The following TANGO6 variants were observed in gnomAD, a reference collection of about 807,000 sequenced individuals.
The protein encoded by TANGO6 is transport and Golgi organization protein 6 homolog.
In TANGO6, 90 loss-of-function variants were observed where a neutral mutation model predicts 114.2. The observed-to-expected ratio is 0.79, with a 90% CI of 0.66 to 0.94. The LOEUF is 0.94. TANGO6 is among the 40% of genes least tolerant of loss of function. TANGO6 has a pLI of 0.00. For missense variants in TANGO6, 1,274 were observed against 1,315.3 expected, an observed-to-expected ratio of 0.97 and a Z score of 0.49; for synonymous variants, 477 against 509.8, an observed-to-expected ratio of 0.94 and a Z score of 0.87.
intron 14 of TANGO6, among the ~76,000 whole-genome samples, chr16:68,971,110 C>T: frequency 6.6e-6 from 1 of 151,178 alleles, no homozygotes. Flanking sequence ...CGAGATCAAG[C>T]CATTGCACTC....
chr16:68,942,167 TA>T (rs1963361237), intron 14 of TANGO6, among the ~76,000 whole-genome samples: 2 of 151,864 alleles, frequency 1.3e-5, no homozygotes, highest in South Asian at 4.2e-4. Context: ...CCATCTCTAC[TA>T]AAAATACAAG....
rs184543924 is a variant in TANGO6 at position 69,048,910 on chromosome 16, G to A, written c.3108+8489G>A. Among the ~76,000 whole-genome samples the A allele has an allele frequency of 1.8e-3, 280 of 152,248 alleles. 2 individuals carry two copies. Among genetic ancestry groups the A allele is most frequent in the Middle Eastern group, 0.01 (3 of 294 alleles). On this transcript the variant is annotated intron_variant, in intron 17 of 17. Coordinates refer to ENST00000261778, the MANE Select transcript of TANGO6 (RefSeq NM_024562.2). ...GGCTGGGGACAGACCCAAGCTGAGG[G>A]AAGCTGATGAACAGCAAAAAGTCAA...
intron 14 of TANGO6, among the ~76,000 whole-genome samples, chr16:68,947,186 A>C (rs1597032312): frequency 6.6e-6 from 1 of 152,144 alleles, no homozygotes. Context: ...GGCTGGGCGC[A>C]GTGGCTCACG....
intron 14 of TANGO6, among the ~76,000 whole-genome samples, chr16:68,952,016 C>A (rs1963476490): frequency 6.6e-6 from 1 of 152,128 alleles, no homozygotes; most frequent in African/African-American, 2.4e-5. Flanking sequence ...TCTGGGGCTC[C>A]TTTAAAGTCC....
At chr16:68,931,375 T>C (rs1690141990) in intron 14 of TANGO6, among the ~76,000 whole-genome samples, 1 of 152,230 alleles carries the variant, frequency 6.6e-6, no homozygotes, top group African/African-American at 2.4e-5. Flanking sequence ...ATAGAGTTAC[T>C]ACTTGGCCCA....
chr16:68,887,740 G>C (rs750816454), intron 7 of TANGO6, among the ~76,000 whole-genome samples: 1 of 152,028 alleles, frequency 6.6e-6, no homozygotes, highest in African/African-American at 2.4e-5. Flanking sequence ...TTAGCCGGGC[G>C]TGGTGGCTCG....
Position 69,063,099 on chromosome 16 carries a change from G to A in TANGO6, c.3109-20386G>A, listed in dbSNP as rs527724795. 3.2e-4 allele frequency among the ~76,000 whole-genome samples: 48 copies of A among 151,818 alleles called. No homozygotes were observed. The East Asian group carries it at 6.2e-3, about 20-fold the overall frequency. On this transcript the variant is annotated intron_variant, in intron 17 of 17. Coordinates refer to ENST00000261778, the MANE Select transcript of TANGO6 (RefSeq NM_024562.2). The stretch of plus-strand genomic sequence containing the variant: ...AAAAATTAGCCAGACATAATGGTGC[G>A]TGCCTGTAGTCCCAGCTACTTGGGA...
intron 14 of TANGO6, among the ~76,000 whole-genome samples, chr16:68,948,813 T>C (rs982234454): frequency 2.0e-5 from 3 of 152,246 alleles, no homozygotes; most frequent in African/African-American, 7.2e-5. Context: ...CCCACCCTTC[T>C]TCCTGCAGAC....
intron 15 of TANGO6, among the ~76,000 whole-genome samples, chr16:68,989,868 A>G (rs550210483): frequency 2.0e-5 from 3 of 152,292 alleles, no homozygotes; most frequent in Non-Finnish European, 4.4e-5. Context: ...AGTCTACTCT[A>G]TGCATGGTGA....
chr16:68,857,214 C>G (rs1166046483), intron 1 of TANGO6, among the ~76,000 whole-genome samples: 1 of 152,148 alleles, frequency 6.6e-6, no homozygotes, highest in Non-Finnish European at 1.5e-5. Flanking sequence ...TATAGTTTTG[C>G]CTCCTCCAGA....
At chr16:68,959,385 G>A (rs867936306) in intron 14 of TANGO6, among the ~76,000 whole-genome samples, 2 of 151,960 alleles carry the variant, frequency 1.3e-5, no homozygotes, top group Non-Finnish European at 2.9e-5. Flanking sequence ...TCAGGAGTTC[G>A]AGACCAGCCT....
chr16:68,885,696 T>C (rs746050973), intron 7 of TANGO6: 1 of 152,334 alleles, frequency 6.6e-6, no homozygotes, highest in Non-Finnish European at 1.5e-5. Context: ...GGTTCATTTG[T>C]ATTGCAGCAT....
intron 15 of TANGO6, among the ~76,000 whole-genome samples, chr16:68,984,258 A>G (rs1433222241): frequency 6.6e-6 from 1 of 152,114 alleles, no homozygotes; most frequent in Admixed American, 6.6e-5. Context: ...AAAACTCAGG[A>G]TCAAATGAAA....
At position 69,082,861 on chromosome 16, in the gene TANGO6, C is replaced by T. The variant is rs147482160; in HGVS notation, c.3109-624C>T. 1.9e-3 allele frequency among the ~76,000 whole-genome samples: 289 copies of T among 152,164 alleles called. 2 individuals are homozygous for T. Among genetic ancestry groups the T allele is most frequent in the South Asian group, 3.5e-3 (17 of 4,818 alleles). ...TGGTAATCATTTGCTCTGGGAGCAA[C>T]CATATCTGGGCAGTCTTGCCTGTCT... On this transcript the variant is annotated intron_variant, in intron 17 of 17. Coordinates refer to ENST00000261778, the MANE Select transcript of TANGO6 (RefSeq NM_024562.2).
chr16:68,845,943 C>T (rs913845868), intron 1 of TANGO6, among the ~76,000 whole-genome samples: 1 of 152,086 alleles, frequency 6.6e-6, no homozygotes, highest in African/African-American at 2.4e-5. Context: ...ACCCCCACCT[C>T]CCGGGTTCGA....
rs552352008 is a variant in TANGO6, at chr16:68,868,521, A to G, written c.994+1301A>G. ...TTTTTTTTTTTTTTTTTTTTGAGAC[A>G]GAGTCTCGCTCTTTCACCCAGGCTA... On this transcript the variant is annotated intron_variant, in intron 4 of 17. Transcript: ENST00000261778. Among the ~76,000 whole-genome samples the G allele has an allele frequency of 4.9e-3, 568 of 114,824 alleles. 4 individuals are homozygous for G. Among genetic ancestry groups the G allele is most frequent in the Middle Eastern group, 0.01 (2 of 198 alleles). 75.3% of individuals were successfully genotyped at this position (114,824 alleles called of 152,430 possible). A position where few individuals can be genotyped will look rare whatever the true frequency, so the allele number is the denominator to read the frequency against.
At chr16:69,021,691 T>C (rs1959408255) in intron 15 of TANGO6, among the ~76,000 whole-genome samples, 1 of 152,056 alleles carries the variant, frequency 6.6e-6, no homozygotes, top group Non-Finnish European at 1.5e-5. Context: ...TCACTCAATT[T>C]GCTTATCCAA....
chr16:68,982,250 G>C (rs1180579934), intron 15 of TANGO6, among the ~76,000 whole-genome samples: 1 of 152,016 alleles, frequency 6.6e-6, no homozygotes. Context: ...AACTCCTAGG[G>C]GCCTCATTAT....
At chr16:68,946,473 C>T (rs970787439) in intron 14 of TANGO6, among the ~76,000 whole-genome samples, 6 of 152,120 alleles carry the variant, frequency 3.9e-5, no homozygotes, top group Non-Finnish European at 7.4e-5. Context: ...GGATTACAGG[C>T]GTGAGCCACC....
Sources: allele counts gnomAD v4.1 joint callset (sites outside exome capture counted in the v4.1 genomes callset), GRCh38; gene constraint gnomAD v4.1.1; transcripts MANE v1.5; gene names NCBI Gene and HGNC (gene_info 2026-07-23, HGNC 2026-07-21).